SDK1: variants seen among roughly 807,000 people sequenced by gnomAD.
The protein encoded by SDK1 is protein sidekick-1.
Under a neutral mutation model 245.5 loss-of-function variants are expected in SDK1, and 157 were observed. That is an observed-to-expected ratio of 0.64 (90% CI 0.56 to 0.73). The LOEUF (loss-of-function observed/expected upper bound fraction) is 0.73. Ranked by LOEUF, SDK1 falls within the 30% of genes least tolerant of loss-of-function variation. SDK1 has a pLI of 0.00. For missense variants in SDK1, 3,583 were observed against 3,002.3 expected (o/e 1.19, Z -4.52); for synonymous variants, 1,647 against 1,278.5 (o/e 1.29, Z -6.15).
chr7:3,681,720 A>T (rs1279621938), intron 4 of SDK1, among the ~76,000 whole-genome samples: 2 of 152,230 alleles, frequency 1.3e-5, no homozygotes, highest in South Asian at 4.1e-4. Flanking sequence ...TAGTAGGCAC[A>T]TAATAATTAC....
At chr7:3,529,523 T>G (rs1405884673) in intron 1 of SDK1, among the ~76,000 whole-genome samples, 1 of 152,108 alleles carries the variant, frequency 6.6e-6, no homozygotes, top group Non-Finnish European at 1.5e-5. Flanking sequence ...TGGATATACA[T>G]TAAATAAATG....
chr7:3,707,722 G>A (rs1216513940), intron 4 of SDK1, among the ~76,000 whole-genome samples: 1 of 152,126 alleles, frequency 6.6e-6, no homozygotes, highest in Admixed American at 6.5e-5. Flanking sequence ...TCATGAATCT[G>A]TGAGCTCTAG....
At chr7:3,586,933 G>A (rs1780709322) in intron 1 of SDK1, among the ~76,000 whole-genome samples, 2 of 152,074 alleles carry the variant, frequency 1.3e-5, no homozygotes, top group South Asian at 4.1e-4. Flanking sequence ...GATTTTTTTG[G>A]TAAGCGTTGA....
At chr7:3,490,814 A>T (rs898585568) in intron 1 of SDK1, among the ~76,000 whole-genome samples, 21 of 152,264 alleles carry the variant, frequency 1.4e-4, no homozygotes, top group African/African-American at 5.1e-4. Flanking sequence ...TAGATGCCCA[A>T]ATTCTCCTTT....
intron 5 of SDK1, among the ~76,000 whole-genome samples, chr7:3,893,308 C>G (rs1057352748): frequency 6.6e-6 from 1 of 152,148 alleles, no homozygotes; most frequent in Non-Finnish European, 1.5e-5. Context: ...GGGTCTGAAT[C>G]GCACTGTCTG....
chr7:3,763,182 T>C (rs951946761), intron 4 of SDK1, among the ~76,000 whole-genome samples: 6 of 152,052 alleles, frequency 3.9e-5, no homozygotes, highest in African/African-American at 1.5e-4. Context: ...CTTTAATAAA[T>C]TTTTTTGTCT....
intron 29 of SDK1, among the ~76,000 whole-genome samples, chr7:4,146,904 C>T (rs1780022150): frequency 6.6e-6 from 1 of 152,196 alleles, no homozygotes; most frequent in African/African-American, 2.4e-5. Context: ...CACACAACTG[C>T]AGAGCTGAGA....
At chr7:3,761,532 C>T (rs1024741104) in intron 4 of SDK1, among the ~76,000 whole-genome samples, 9 of 144,234 alleles carry the variant, frequency 6.2e-5, no homozygotes, top group African/African-American at 1.8e-4. Context: ...CCAGCCTGGG[C>T]GACAGAGTGA....
chr7:3,865,604 G>T (rs1780801809), intron 5 of SDK1, among the ~76,000 whole-genome samples: 1 of 152,034 alleles, frequency 6.6e-6, no homozygotes, highest in African/African-American at 2.4e-5. Context: ...AAACTCCTGG[G>T]CTCAAGTGAT....
chr7:3,926,529 C>T (rs538968926), intron 5 of SDK1, among the ~76,000 whole-genome samples: 3 of 151,150 alleles, frequency 2.0e-5, no homozygotes, highest in African/African-American at 4.9e-5. Flanking sequence ...GGTGTGATCT[C>T]GGCCCACTGC....
rs147082632 is a variant in SDK1 at position 4,009,099 on chromosome 7, G to C, written c.2132-1867G>C. Among the ~76,000 whole-genome samples, 1,010 of 152,262 alleles carry C rather than the reference G, an allele frequency of 6.6e-3. 46 individuals carry two copies. The highest frequency in any genetic ancestry group is 0.058 in the Admixed American group (882 of 15,284). ...GTGTATGTGTTTTCTTTTCATAATA[G>C]CCACCCTAGTGGGTATTAGATGCAA... On this transcript the variant is annotated intron_variant, in intron 14 of 44. Coordinates refer to ENST00000404826, the MANE Select transcript of SDK1 (RefSeq NM_152744.4).
chr7:3,369,722 G>A (rs1468504356), intron 1 of SDK1, among the ~76,000 whole-genome samples: 1 of 152,162 alleles, frequency 6.6e-6, no homozygotes, highest in African/African-American at 2.4e-5. Context: ...GTAACCATTT[G>A]GAATAAGCTA....
chr7:3,786,485 A>C (rs1010207663), intron 4 of SDK1, among the ~76,000 whole-genome samples: 1 of 152,228 alleles, frequency 6.6e-6, no homozygotes, highest in Non-Finnish European at 1.5e-5. Flanking sequence ...TACATTGTGA[A>C]ACAAATAATG....
chr7:3,987,401 T>G, intron 14 of SDK1, 79 bp downstream of exon 14: 1 of 1,471,852 alleles, frequency 6.8e-7, no homozygotes, highest in Non-Finnish European at 9.4e-7. Context: ...AACCTTTACT[T>G]CTGGGTCAGA....
rs569375243 is a variant in SDK1 at position 3,956,922 on chromosome 7, G to A, written c.1151-2009G>A. ...CTTCCTGGCACTCGAGGGAAGCCTC[G>A]GGGGACTGTACCAGGCGACAACGGT... On this transcript the variant is annotated intron_variant, in intron 7 of 44. Transcript: ENST00000404826. Among the ~76,000 whole-genome samples, 219 of 152,258 alleles carry A rather than the reference G, an allele frequency of 1.4e-3. 2 individuals carry two copies. The highest frequency in any genetic ancestry group is 4.6e-3 in the African/African-American group (190 of 41,556).
chr7:3,309,920 G>A (rs111693566), intron 1 of SDK1, among the ~76,000 whole-genome samples: 4 of 152,296 alleles, frequency 2.6e-5, no homozygotes, highest in African/African-American at 7.2e-5. Flanking sequence ...CTGGTTGCAA[G>A]CTAGAAACTC....
At chr7:3,879,565 G>A (rs1041262337) in intron 5 of SDK1, among the ~76,000 whole-genome samples, 8 of 152,288 alleles carry the variant, frequency 5.3e-5, no homozygotes, top group Middle Eastern at 3.4e-3. Context: ...TTCTGTACCG[G>A]CTCCTGGCAG....
At chr7:3,326,170 G>A (rs1779936221) in intron 1 of SDK1, among the ~76,000 whole-genome samples, 1 of 152,112 alleles carries the variant, frequency 6.6e-6, no homozygotes, top group Admixed American at 6.6e-5. Context: ...ATATAAAAGT[G>A]TAGAGAAAGT....
intron 22 of SDK1, among the ~76,000 whole-genome samples, chr7:4,089,248 C>G (rs1488791850): frequency 3.9e-5 from 6 of 152,240 alleles, no homozygotes; most frequent in Non-Finnish European, 7.3e-5. Flanking sequence ...TCATGGGCAT[C>G]TGCACAGGGT....
Sources: allele counts gnomAD v4.1 joint callset (sites outside exome capture counted in the v4.1 genomes callset), GRCh38; gene constraint gnomAD v4.1.1; transcripts MANE v1.5; gene names NCBI Gene and HGNC (gene_info 2026-07-23, HGNC 2026-07-21).